Variants in ALDH7A1 observed in about 807,000 individuals in gnomAD.
The protein encoded by ALDH7A1 is aldehyde dehydrogenase 7 family member A1, also known as alpha-aminoadipic semialdehyde dehydrogenase.
In ALDH7A1, 63 loss-of-function variants were observed where a neutral mutation model predicts 79.9. That is an observed-to-expected ratio of 0.79 (90% CI 0.64 to 0.97). The LOEUF (loss-of-function observed/expected upper bound fraction) is 0.97. ALDH7A1 is among the 50% of genes least tolerant of loss of function. The pLI is 0.00. For missense variants in ALDH7A1, 627 were observed against 665.2 expected, an observed-to-expected ratio of 0.94 and a Z score of 0.63; for synonymous variants, 240 against 231.2, an observed-to-expected ratio of 1.04 and a Z score of -0.34.
At chr5:126,567,337 AG>A (rs1349492557) in intron 9 of ALDH7A1, among the ~76,000 whole-genome samples, 2 of 152,242 alleles carry the variant, frequency 1.3e-5, no homozygotes, top group Non-Finnish European at 2.9e-5. Context: ...CCCTTTCTAC[AG>A]GAAGTAAAAA....
At chr5:126,578,822 C>T (rs1445240620) in intron 5 of ALDH7A1, among the ~76,000 whole-genome samples, 1 of 152,154 alleles carries the variant, frequency 6.6e-6, no homozygotes, top group Non-Finnish European at 1.5e-5. Context: ...CCAGTTAAAA[C>T]CACAGACCAA....
intron 7 of ALDH7A1, among the ~76,000 whole-genome samples, chr5:126,573,116 CAAAAAAAAA>C (rs11290126): frequency 4.2e-5 from 4 of 95,210 alleles, no homozygotes; most frequent in South Asian, 3.7e-4. Flanking sequence ...CCATTTAAAG[CAAAAAAAAA>C]AAAAAAAAAA....
intron 8 of ALDH7A1, 160 bp from the exon 9 acceptor site, chr5:126,568,516 A>C (rs3734174): frequency 4.4e-6 from 3 of 686,790 alleles, no homozygotes; most frequent in Admixed American, 2.2e-5. Context: ...TGAGAAGGAA[A>C]AAAGTTTTTC....
intron 5 of ALDH7A1, among the ~76,000 whole-genome samples, chr5:126,579,873 T>C (rs1236428496): frequency 6.6e-6 from 1 of 152,244 alleles, no homozygotes; most frequent in Non-Finnish European, 1.5e-5. Context: ...GGTGGAAAGA[T>C]TGCTTGAGTC....
chr5:126,558,446 A>G (rs908457093), intron 11 of ALDH7A1, among the ~76,000 whole-genome samples: 1 of 152,174 alleles, frequency 6.6e-6, no homozygotes, highest in African/African-American at 2.4e-5. Context: ...ATACATAGCC[A>G]TTTGCTTTTC....
intron 7 of ALDH7A1, among the ~76,000 whole-genome samples, chr5:126,574,992 T>TA (rs1246149365): frequency 1.3e-5 from 2 of 152,206 alleles, no homozygotes; most frequent in African/African-American, 4.8e-5. Context: ...ATTTTAGTGT[T>TA]AGATGAATCA....
chr5:126,570,973 A>G (rs1750750101), intron 7 of ALDH7A1, 114 bp from the exon 8 acceptor site: 13 of 967,054 alleles, frequency 1.3e-5, no homozygotes, highest in Non-Finnish European at 2.1e-5. Context: ...CCATCCCTCA[A>G]ATATACTACT....
rs1392808647 is a variant in ALDH7A1, at chr5:126,583,941, T to C, written c.384A>G (p.Leu128=). ...TACAAAAATACTTTACCAAGCTTCC[T>C]AGTACTTGGATCTTCTCCCGCAAGG... ...GDALREKIQV[L]GSLVSLEMGK... is the part of the protein sequence containing the mutation. The change falls in exon 4 of 18, where the codon CTA becomes CTG. Residue 128 remains leucine (L), a synonymous_variant. Coordinates refer to ENST00000409134, the MANE Select transcript of ALDH7A1 (RefSeq NM_001182.5). The C allele has an allele frequency of 6.2e-7, 1 of 1,613,462 alleles. No homozygotes were observed. Among genetic ancestry groups the C allele is most frequent in the East Asian group, 2.2e-5 (1 of 44,872 alleles).
chr5:126,545,012 T>A lies in ALDH7A1; in HGVS notation c.1573A>T (p.Asn525Tyr). 6.2e-7 allele frequency: 1 copy of A among 1,608,280 alleles called. No individual in the cohort carries two copies. The highest frequency in any genetic ancestry group is 8.5e-7 in the Non-Finnish European group (1 of 1,174,752). Residue 525 changes from asparagine (N) to tyrosine (Y), a missense_variant, in exon 18 of 18, where the codon AAC becomes TAC. Coordinates refer to ENST00000409134, the MANE Select transcript of ALDH7A1 (RefSeq NM_001182.5). ...QYMRRSTCTI[N>Y]YSKDLPLAQG... ...GCCAGAGGAAGGTCTTTACTGTAGT[T>A]GATAGTACTAGTGGGAAAAAATAAC...
intron 11 of ALDH7A1, among the ~76,000 whole-genome samples, chr5:126,557,376 C>G (rs150901561): frequency 0.015 from 2,254 of 152,206 alleles, 53 homozygotes; most frequent in African/African-American, 0.051. Context: ...CACCTGAGGT[C>G]AGGAGTTTGA....
intron 11 of ALDH7A1, among the ~76,000 whole-genome samples, chr5:126,556,514 G>T (rs1288364624): frequency 1.3e-5 from 2 of 152,072 alleles, no homozygotes; most frequent in East Asian, 3.8e-4. Flanking sequence ...AAAGTGCTGG[G>T]ATTACAGGTG....
At chr5:126,571,880 T>C (rs956071464) in intron 7 of ALDH7A1, among the ~76,000 whole-genome samples, 12 of 152,190 alleles carry the variant, frequency 7.9e-5, no homozygotes, top group Admixed American at 6.6e-4. Context: ...GGGGCCACCC[T>C]GCAGAACCCT....
At chr5:126,567,478 CTT>C (rs768446830) in intron 9 of ALDH7A1, among the ~76,000 whole-genome samples, 7 of 146,024 alleles carry the variant, frequency 4.8e-5, no homozygotes, top group Admixed American at 6.9e-5. Context: ...CCTTTCATAA[CTT>C]TTTTTTTTTT....
chr5:126,570,411 A>G, intron 8 of ALDH7A1: 1 of 214,542 alleles, frequency 4.7e-6, no homozygotes, highest in South Asian at 7.0e-5. Context: ...AACTCAGACA[A>G]TAGGCTAGGT....
chr5:126,573,646 C>T (rs1391354847), intron 7 of ALDH7A1, among the ~76,000 whole-genome samples: 2 of 145,832 alleles, frequency 1.4e-5, no homozygotes, highest in East Asian at 2.0e-4. Flanking sequence ...TTCAGTGAGC[C>T]GAGATCGCAC....
intron 3 of ALDH7A1, among the ~76,000 whole-genome samples, chr5:126,585,114 A>G (rs1751316928): frequency 6.6e-6 from 1 of 152,234 alleles, no homozygotes; most frequent in South Asian, 2.1e-4. Context: ...CCTGGCCAAC[A>G]TGGTGAAACC....
chr5:126,578,397 C>A (rs78521330), intron 5 of ALDH7A1, among the ~76,000 whole-genome samples: 2,655 of 152,038 alleles, frequency 0.017, 77 homozygotes, highest in African/African-American at 0.051. Context: ...CAATGTCCAG[C>A]ACTTTGGGAT....
At chr5:126,592,940 C>T (rs1751600206) in intron 2 of ALDH7A1, among the ~76,000 whole-genome samples, 1 of 152,152 alleles carries the variant, frequency 6.6e-6, no homozygotes, top group Non-Finnish European at 1.5e-5. Context: ...TAAAACCTTG[C>T]TTTTCAAAGC....
chr5:126,555,855 A>C, intron 12 of ALDH7A1, 76 bp downstream of exon 12: 1 of 1,255,814 alleles, frequency 8.0e-7, no homozygotes, highest in Non-Finnish European at 1.2e-6. Context: ...AAGAAACTCC[A>C]AAACTCAGAT....
Sources: allele counts gnomAD v4.1 joint callset (sites outside exome capture counted in the v4.1 genomes callset), GRCh38; gene constraint gnomAD v4.1.1; transcripts MANE v1.5; gene names NCBI Gene and HGNC (gene_info 2026-07-23, HGNC 2026-07-21).